The following DAB2IP variants were observed in gnomAD, a reference collection of about 807,000 sequenced individuals.
DAB2IP encodes DAB2 interacting protein.
DAB2IP carries 28 observed loss-of-function variants against 107.2 expected under a neutral mutation model. The observed-to-expected ratio is 0.26, with a 90% CI of 0.19 to 0.36. The LOEUF (loss-of-function observed/expected upper bound fraction) is 0.36, where lower values mean the gene tolerates loss of function less well. Among genes scored for constraint, DAB2IP ranks in the 10% least tolerant of loss-of-function variants. The pLI, the probability that DAB2IP is intolerant of heterozygous loss-of-function variation, is 1.00. For synonymous variants in DAB2IP, 755 were observed against 706.4 expected (o/e 1.07, Z -1.09); for missense variants, 1,400 against 1,644.7 (o/e 0.85, Z 2.57).
intron 1 of DAB2IP, among the ~76,000 whole-genome samples, chr9:121,671,422 T>A (rs1348061227): frequency 1.3e-5 from 2 of 152,174 alleles, no homozygotes; most frequent in African/African-American, 4.8e-5. Context: ...ATCCTTAACC[T>A]CAACCACATC....
intron 2 of DAB2IP, among the ~76,000 whole-genome samples, chr9:121,688,204 G>A (rs372693838): frequency 6.6e-5 from 10 of 152,278 alleles, no homozygotes; most frequent in Middle Eastern, 6.8e-3. Context: ...AAAATGAAAC[G>A]ATCAAGTGGT....
At position 121,684,173 on chromosome 9, in the gene DAB2IP, T is replaced by C. The variant is rs1479265496; in HGVS notation, c.228+5392T>C. On this transcript the variant is annotated intron_variant, in intron 2 of 15. Coordinates refer to ENST00000408936, the Ensembl canonical transcript of DAB2IP. The surrounding 1 kb of genome is among the most constrained non-coding windows in gnomAD (Gnocchi z 4.0). ...AGAAACAGGCATGTGAACACAAACA[T>C]GCAAGCTAGTGGGTGACCCTCCCGC... Among the ~76,000 whole-genome samples the C allele has an allele frequency of 6.6e-6, 1 of 152,126 alleles. No individual in the cohort carries two copies. Among genetic ancestry groups the C allele is most frequent in the African/African-American group, 2.4e-5 (1 of 41,410 alleles).
At chr9:121,669,792 C>T (rs964518278) in intron 1 of DAB2IP, among the ~76,000 whole-genome samples, 2 of 152,172 alleles carry the variant, frequency 1.3e-5, no homozygotes, top group African/African-American at 4.8e-5. Flanking sequence ...TGTCTCACTT[C>T]ATCATGGCCT....
chr9:121,749,162 AGT>A (rs1437277915), intron 3 of DAB2IP, among the ~76,000 whole-genome samples: 1 of 152,142 alleles, frequency 6.6e-6, no homozygotes, highest in Admixed American at 6.5e-5. Flanking sequence ...CTGGGCCAGG[AGT>A]GAGCACTGGC....
intron 9 of DAB2IP, 80 bp from the exon 10 acceptor site, chr9:121,768,350 GGT>G: frequency 7.0e-7 from 1 of 1,435,356 alleles, no homozygotes; most frequent in Non-Finnish European, 9.8e-7. Flanking sequence ...GGGGAAAGCG[GGT>G]GGTGGTGTCC....
chr9:121,679,611 T>C (rs1297841834), intron 2 of DAB2IP, among the ~76,000 whole-genome samples: 1 of 152,090 alleles, frequency 6.6e-6, no homozygotes, highest in Non-Finnish European at 1.5e-5. Context: ...GGATGGTTTG[T>C]TCATCCATTC....
At chr9:121,683,904 T>C (rs953469100) in intron 2 of DAB2IP, among the ~76,000 whole-genome samples, 1 of 152,076 alleles carries the variant, frequency 6.6e-6, no homozygotes, top group Non-Finnish European at 1.5e-5. Context: ...CCCTGTGTGA[T>C]TGGAGTGCTG....
intron 1 of DAB2IP, among the ~76,000 whole-genome samples, chr9:121,608,289 A>C (rs1804311984): frequency 1.3e-5 from 2 of 151,928 alleles, no homozygotes; most frequent in Admixed American, 1.3e-4. Context: ...TTGAGACTGT[A>C]CCCCAAATTC....
rs559260458 is a variant in DAB2IP at position 121,681,034 on chromosome 9, C to T, written c.228+2253C>T. On this transcript the variant is annotated intron_variant, in intron 2 of 15. Transcript: ENST00000408936. ...CTGGGATTACAGGCATGAGCCACCA[C>T]GCCCAGCCTACCTGATCTCTCTTCA... 2.1e-3 allele frequency among the ~76,000 whole-genome samples: 325 copies of T among 152,250 alleles called. 1 individual carries two copies. The highest frequency in any genetic ancestry group is 7.0e-3 in the African/African-American group (292 of 41,562).
intron 11 of DAB2IP, 73 bp downstream of exon 11, chr9:121,770,797 A>G: frequency 6.4e-7 from 1 of 1,559,378 alleles, no homozygotes; most frequent in Non-Finnish European, 8.7e-7. Context: ...GTAATCTCAG[A>G]TGGGGAAAGA....
intron 3 of DAB2IP, among the ~76,000 whole-genome samples, chr9:121,750,244 G>T (rs1833009355): frequency 6.6e-6 from 1 of 152,230 alleles, no homozygotes; most frequent in South Asian, 2.1e-4. Flanking sequence ...TCTGCAGCCA[G>T]GCACCCTTGA....
chr9:121,776,774 C>G lies in DAB2IP; in HGVS notation c.3314+383C>G, dbSNP rs1483606057. On this transcript the variant is annotated intron_variant, in intron 14 of 15. Coordinates refer to ENST00000408936, the Ensembl canonical transcript of DAB2IP. This position sits in a 1 kb window ranked among gnomAD's most constrained non-coding sequence, Gnocchi z 5.4. The stretch of plus-strand genomic sequence containing the variant: ...GGGTAAGAAAAGTGGGAATGAGTCT[C>G]AGTTACGTATAGTAGATGAAGGTGG... Among the ~76,000 whole-genome samples the G allele has an allele frequency of 6.6e-6, 1 of 152,054 alleles. No individual in the cohort carries two copies. Among genetic ancestry groups the G allele is most frequent in the East Asian group, 1.9e-4 (1 of 5,176 alleles).
intron 1 of DAB2IP, among the ~76,000 whole-genome samples, chr9:121,580,627 C>T (rs1321684548): frequency 6.8e-6 from 1 of 146,570 alleles, no homozygotes; most frequent in Non-Finnish European, 1.5e-5. Context: ...CATCTAAGAA[C>T]TTTTTTTTTT....
intron 3 of DAB2IP, among the ~76,000 whole-genome samples, chr9:121,710,431 G>A (rs1196140930): frequency 2.0e-5 from 3 of 152,118 alleles, no homozygotes; most frequent in Admixed American, 1.3e-4. Flanking sequence ...GGGCAGGCTC[G>A]GCTCAGTGAC....
At chr9:121,663,001 A>G (rs1833269980) in intron 1 of DAB2IP, among the ~76,000 whole-genome samples, 2 of 152,220 alleles carry the variant, frequency 1.3e-5, no homozygotes, top group South Asian at 2.1e-4. Flanking sequence ...CTCAGAAAGT[A>G]AAAAAGGAAA....
chr9:121,572,222 A>G lies in DAB2IP; in HGVS notation c.40+4994A>G, dbSNP rs578217373. ...TCGTGGGTACCGTCCTCCTACCAGG[A>G]CAGCTCCTGGTGCTTCCTCCGCCTG... On this transcript the variant is annotated intron_variant, in intron 1 of 16. Transcript: ENST00000259371. Among the ~76,000 whole-genome samples the G allele has an allele frequency of 4.6e-5, 7 of 152,180 alleles. No homozygotes were observed. In the South Asian group the frequency reaches 1.4e-3, roughly 32 times the overall value.
chr9:121,781,111 C>A (rs753724539), intron 14 of DAB2IP, among the ~76,000 whole-genome samples: 49 of 152,236 alleles, frequency 3.2e-4, no homozygotes, highest in Non-Finnish European at 4.8e-4. Flanking sequence ...CCTTTCAGGG[C>A]CTTCGTCTTT....
chr9:121,610,542 C>T (rs879515450), intron 1 of DAB2IP, among the ~76,000 whole-genome samples: 2 of 152,316 alleles, frequency 1.3e-5, no homozygotes, highest in African/African-American at 2.4e-5. Flanking sequence ...CAAAGCCTCT[C>T]GTGTCAGGCA....
At chr9:121,759,844 G>C in intron 5 of DAB2IP, 41 bp from the exon 6 acceptor site, 1 of 1,555,088 alleles carries the variant, frequency 6.4e-7, no homozygotes, top group Non-Finnish European at 8.7e-7. Context: ...GTTGCACGTG[G>C]CACCCCCAGC....
Sources: gnomAD v4.1 joint callset for allele counts (sites outside exome capture counted in the v4.1 genomes callset) on GRCh38, gnomAD v4.1.1 for gene constraint, Gnocchi (gnomAD v3.1) non-coding constraint, MANE v1.5 for transcripts, NCBI Gene and HGNC (gene_info 2026-07-23, HGNC 2026-07-21) for gene names.